The following MRE11 variants were observed in gnomAD, a reference collection of about 807,000 sequenced individuals.
The protein encoded by MRE11 is double-strand break repair protein MRE11.
Under a neutral mutation model 91.7 loss-of-function variants are expected in MRE11, and 62 were observed. The ratio of observed to expected loss-of-function variants is 0.68; its 90% CI spans 0.55 to 0.84. MRE11 has a LOEUF of 0.84. Ranked by LOEUF, MRE11 falls within the 40% of genes least tolerant of loss-of-function variation. The pLI is 0.00. For synonymous variants in MRE11, 273 were observed against 271.4 expected (o/e 1.01, Z -0.06); for missense variants, 796 against 852.9 (o/e 0.93, Z 0.83).
intron 18 of MRE11, 44 bp downstream of exon 18, chr11:94,435,788 A>T (rs182252794): frequency 6.5e-7 from 1 of 1,529,110 alleles, no homozygotes; most frequent in Non-Finnish European, 9.1e-7. Flanking sequence ...GATAATTTTT[A>T]ATTTTTTTCA....
At chr11:94,476,718 T>TTTTTC (rs927138562) in intron 6 of MRE11, among the ~76,000 whole-genome samples, 9 of 151,968 alleles carry the variant, frequency 5.9e-5, no homozygotes, top group East Asian at 1.9e-4. Context: ...TTCAGGGTTT[T>TTTTTC]TTTTCTTTTC....
At position 94,429,679 on chromosome 11, in the gene MRE11, GA is replaced by G. The variant is rs368453957; in HGVS notation, c.2070+231del. ...TGGACTACTAGAGAGTGGAGGCTGA[GA>G]GTAGGATGTGTGTTGGAAAACTGCC... On this transcript the variant is annotated intron_variant, in intron 19 of 19. Coordinates refer to ENST00000323929, the MANE Select transcript of MRE11 (RefSeq NM_005591.4). 3.6e-3 allele frequency among the ~76,000 whole-genome samples: 545 copies of G among 152,318 alleles called. 2 individuals are homozygous for G. Among genetic ancestry groups the G allele is most frequent in the African/African-American group, 0.012 (518 of 41,560 alleles).
chr11:94,435,429 G>A (rs1333417884), intron 18 of MRE11, among the ~76,000 whole-genome samples: 1 of 152,070 alleles, frequency 6.6e-6, no homozygotes. Context: ...GGTGGTGCAC[G>A]TCTGTAATCC....
chr11:94,467,577 C>G (rs1186321854), intron 10 of MRE11, among the ~76,000 whole-genome samples: 2 of 152,000 alleles, frequency 1.3e-5, no homozygotes, highest in Non-Finnish European at 2.9e-5. Context: ...GAGAGCTCAG[C>G]CAATCTATTA....
rs948148401 is a variant in MRE11 at position 94,437,315 on chromosome 11, A to G, written c.1868-80T>C. The G allele has an allele frequency of 4.4e-6, 6 of 1,359,250 alleles. 1 individual carries two copies. In the African/African-American group the frequency reaches 8.8e-5, roughly 20 times the overall value. 84.2% of individuals were successfully genotyped at this position (1,359,250 alleles called of 1,614,324 possible). On this transcript the variant is annotated intron_variant, in intron 16 of 19. Coordinates refer to ENST00000323929, the MANE Select transcript of MRE11 (RefSeq NM_005591.4). The stretch of plus-strand genomic sequence containing the variant: ...AACTTGCATACTTCTTTAGCTAAAG[A>G]TTTTCTGAGTCCTATCTGCAAAACT...
intron 3 of MRE11, among the ~76,000 whole-genome samples, chr11:94,489,689 A>G (rs1254883299): frequency 6.6e-6 from 1 of 152,176 alleles, no homozygotes; most frequent in African/African-American, 2.4e-5. Flanking sequence ...AACTCTCCAG[A>G]AAAGTCAAGG....
At chr11:94,508,742 G>A in the MRE11 span, among the ~76,000 whole-genome samples, 1 of 148,904 alleles carries the variant, frequency 6.7e-6, no homozygotes, top group Non-Finnish European at 1.5e-5. Flanking sequence ...GTTTTGACCA[G>A]TCTTGGCCCA....
chr11:94,427,908 A>G (rs1945368222), intron 19 of MRE11, among the ~76,000 whole-genome samples: 1 of 152,178 alleles, frequency 6.6e-6, no homozygotes, highest in South Asian at 2.1e-4. Context: ...ACAAACGCAA[A>G]AACATTCCAT....
In MRE11 at chr11:94,460,934, A is replaced by C. The variant is rs1475506136; in HGVS notation, c.1326+2T>G. The stretch of plus-strand genomic sequence containing the variant: ...TTCAAAATGTGAACTGTAAGAAATT[A>C]CCTTCTCTGCGGTTTGAAAGTACTG... On this transcript the variant is annotated splice_donor_variant, in intron 12 of 19. Coordinates refer to ENST00000323929, the MANE Select transcript of MRE11 (RefSeq NM_005591.4). LOFTEE classifies it high-confidence loss of function. 6.2e-7 allele frequency: 1 copy of C among 1,610,112 alleles called. No individual in the cohort carries two copies. The highest frequency in any genetic ancestry group is 8.5e-7 in the Non-Finnish European group (1 of 1,176,836).
the MRE11 span, among the ~76,000 whole-genome samples, chr11:94,504,697 TA>T: frequency 6.6e-6 from 1 of 152,360 alleles, no homozygotes; most frequent in Non-Finnish European, 1.5e-5. Context: ...AGTTTTGCTA[TA>T]AGACAAACTG....
At chr11:94,455,741 CTT>C (rs929173916) in intron 14 of MRE11, among the ~76,000 whole-genome samples, 1 of 152,110 alleles carries the variant, frequency 6.6e-6, no homozygotes, top group Non-Finnish European at 1.5e-5. Flanking sequence ...AACCAAAACA[CTT>C]TAAGTTTCTT....
chr11:94,424,068 C>T (rs1299369904), intron 19 of MRE11, among the ~76,000 whole-genome samples: 1 of 152,160 alleles, frequency 6.6e-6, no homozygotes, highest in East Asian at 1.9e-4. Context: ...TAGGAGGGAC[C>T]TCACCCATGG....
At chr11:94,423,261 G>C (rs1023910268) in intron 19 of MRE11, among the ~76,000 whole-genome samples, 1 of 152,140 alleles carries the variant, frequency 6.6e-6, no homozygotes, top group Non-Finnish European at 1.5e-5. Flanking sequence ...GCCTTGAAAG[G>C]CTCCTAGAAA....
intron 15 of MRE11, among the ~76,000 whole-genome samples, chr11:94,446,527 C>G (rs1945936595): frequency 6.6e-6 from 1 of 152,114 alleles, no homozygotes; most frequent in African/African-American, 2.4e-5. Context: ...AGATTTTAAA[C>G]CAAATTAATA....
At chr11:94,467,747 C>T (rs1946602404) in intron 10 of MRE11, 66 bp downstream of exon 10, 3 of 1,378,094 alleles carry the variant, frequency 2.2e-6, no homozygotes, top group Non-Finnish European at 3.1e-6. Flanking sequence ...TCAAAGAAAC[C>T]ATGTAAACTG....
chr11:94,477,774 C>A (rs1396793759), intron 6 of MRE11, among the ~76,000 whole-genome samples: 1 of 148,882 alleles, frequency 6.7e-6, no homozygotes, highest in Non-Finnish European at 1.5e-5. Flanking sequence ...AAAAGCAATG[C>A]GGTTTAGCCA....
chr11:94,435,695 T>G lies in MRE11; in HGVS notation c.1994+137A>C, dbSNP rs1945587449. The G allele has an allele frequency of 1.1e-5, 8 of 719,554 alleles. No homozygotes were observed. In the Admixed American group the frequency reaches 1.7e-4, roughly 16 times the overall value. The allele number at this position is 719,554 out of a possible 1,614,324, so 44.6% of individuals were successfully genotyped here. ...CTATAAACTAGCCCTTGGTCTGTTT[T>G]CATTCCTCTACATACTTTACTAGTT... On this transcript the variant is annotated intron_variant, in intron 18 of 19. Coordinates refer to ENST00000323929, the MANE Select transcript of MRE11 (RefSeq NM_005591.4).
chr11:94,427,001 T>A (rs186196519), intron 19 of MRE11, among the ~76,000 whole-genome samples: 3 of 152,030 alleles, frequency 2.0e-5, no homozygotes, highest in African/African-American at 7.2e-5. Flanking sequence ...CCTACAGAAA[T>A]TATTCCAAAA....
intron 9 of MRE11, 68 bp downstream of exon 9, chr11:94,470,403 T>C (rs2135038244): frequency 1.3e-5 from 19 of 1,478,108 alleles, no homozygotes; most frequent in Non-Finnish European, 1.7e-5. Flanking sequence ...CTCTATTAAA[T>C]TACTTAATTG....
Sources: gnomAD v4.1 joint callset for allele counts (sites outside exome capture counted in the v4.1 genomes callset) on GRCh38, gnomAD v4.1.1 for gene constraint, MANE v1.5 for transcripts, NCBI Gene and HGNC (gene_info 2026-07-23, HGNC 2026-07-21) for gene names.